GINS1: variants seen among roughly 807,000 people sequenced by gnomAD.
GINS1 encodes DNA replication complex GINS protein PSF1.
In GINS1, 26 loss-of-function variants were observed where a neutral mutation model predicts 34.9. The observed-to-expected ratio is 0.74, with a 90% confidence interval of 0.55 to 1.03. The LOEUF (loss-of-function observed/expected upper bound fraction) is 1.03, where lower values mean the gene tolerates loss of function less well. GINS1 is among the 50% of genes least tolerant of loss of function. The pLI, the probability that GINS1 is intolerant of heterozygous loss-of-function variation, is 0.00. For missense variants in GINS1, 235 were observed against 237.9 expected (o/e 0.99, Z 0.08); for synonymous variants, 97 against 84.4 (o/e 1.15, Z -0.82).
chr20:25,438,233 A>G (rs2090464351), intron 5 of GINS1, among the ~76,000 whole-genome samples: 1 of 151,914 alleles, frequency 6.6e-6, no homozygotes, highest in South Asian at 2.1e-4. Flanking sequence ...GCCATTTCCC[A>G]CTAAAGTAAA....
intron 6 of GINS1, among the ~76,000 whole-genome samples, chr20:25,444,021 G>T (rs1485785568): frequency 6.6e-5 from 2 of 30,258 alleles, no homozygotes; most frequent in East Asian, 3.6e-3. Context: ...TCTATCTATG[G>T]TTTTTTTCGA....
At chr20:25,412,439 C>T (rs973596834) in intron 1 of GINS1, among the ~76,000 whole-genome samples, 1 of 151,700 alleles carries the variant, frequency 6.6e-6, no homozygotes, top group African/African-American at 2.4e-5. Context: ...CCTGTAATCC[C>T]AGCTACTCGG....
At chr20:25,433,221 G>A (rs1403300312) in intron 5 of GINS1, among the ~76,000 whole-genome samples, 1 of 151,866 alleles carries the variant, frequency 6.6e-6, no homozygotes, top group East Asian at 1.9e-4. Flanking sequence ...TTTTCTATAT[G>A]CCTTATAACT....
chr20:25,410,330 G>A (rs2482907), intron 1 of GINS1, among the ~76,000 whole-genome samples: 4,075 of 150,906 alleles, frequency 0.027, 176 homozygotes, highest in African/African-American at 0.09. Flanking sequence ...GACAGAGAGA[G>A]ACTCCGCCTC....
chr20:25,433,871 A>G (rs993579121), intron 5 of GINS1, among the ~76,000 whole-genome samples: 1 of 152,214 alleles, frequency 6.6e-6, no homozygotes, highest in Non-Finnish European at 1.5e-5. Context: ...TTTTAAATGC[A>G]TTAGTTTCTT....
At position 25,423,964 on chromosome 20, in the gene GINS1, T is replaced by C. The variant is rs2090375642; in HGVS notation, c.331-1247T>C. Among the ~76,000 whole-genome samples the C allele has an allele frequency of 2.0e-5, 3 of 152,126 alleles. No homozygotes were observed. The South Asian group carries it at 6.2e-4, about 32-fold the overall frequency. On this transcript the variant is annotated intron_variant, in intron 4 of 6. Coordinates refer to ENST00000262460, the MANE Select transcript of GINS1 (RefSeq NM_021067.5). ...CTATATTTTACCTTTTACAAAGAGA[T>C]CTACAGTATTGGGATTAAGTTTTGT...
intron 4 of GINS1, among the ~76,000 whole-genome samples, chr20:25,422,100 A>G (rs970009450): frequency 1.3e-5 from 2 of 152,130 alleles, no homozygotes; most frequent in East Asian, 3.9e-4. Context: ...GGCACATGCA[A>G]ACACATCTGA....
At chr20:25,433,271 T>A (rs1215733445) in intron 5 of GINS1, among the ~76,000 whole-genome samples, 1 of 152,192 alleles carries the variant, frequency 6.6e-6, no homozygotes, top group African/African-American at 2.4e-5. Flanking sequence ...ATAACTTTTT[T>A]GTCTCTCATT....
intron 1 of GINS1, 137 bp from the exon 2 acceptor site, chr20:25,413,653 C>T: frequency 1.6e-6 from 1 of 626,026 alleles, no homozygotes; most frequent in Non-Finnish European, 2.9e-6. Flanking sequence ...TTGTTATAAC[C>T]ATGCTAGTGG....
At chr20:25,419,969 T>G (rs1461213805) in intron 4 of GINS1, among the ~76,000 whole-genome samples, 1 of 150,502 alleles carries the variant, frequency 6.6e-6, no homozygotes, top group Non-Finnish European at 1.5e-5. Context: ...GATTAATATG[T>G]TTCTTACAAT....
chr20:25,433,671 G>A (rs79128225), intron 5 of GINS1, among the ~76,000 whole-genome samples: 3,175 of 152,168 alleles, frequency 0.021, 103 homozygotes, highest in African/African-American at 0.072. Context: ...TTTCCTTGTG[G>A]TTAGTGATAG....
chr20:25,411,449 G>A lies in GINS1; in HGVS notation c.76-2341G>A, dbSNP rs544769183. On this transcript the variant is annotated intron_variant, in intron 1 of 6. Coordinates refer to ENST00000262460, the MANE Select transcript of GINS1 (RefSeq NM_021067.5). ...TATTTTGGCCCTAAAAATAGACAGTGAAAAAGAGATGGGATTGCTTCTCTT... is the reference window on the plus strand; with the variant it reads ...TATTTTGGCCCTAAAAATAGACAGTAAAAAAGAGATGGGATTGCTTCTCTT... 1.1e-4 allele frequency among the ~76,000 whole-genome samples: 16 copies of A among 152,258 alleles called. 1 individual carries two copies. In the East Asian group the frequency reaches 3.1e-3, roughly 29 times the overall value.
In GINS1 at chr20:25,444,916, G is replaced by C. The variant is rs111762818; in HGVS notation, c.523-1007G>C. Among the ~76,000 whole-genome samples, 1,097 of 152,302 alleles carry C rather than the reference G, an allele frequency of 7.2e-3. 7 individuals are homozygous for C. The highest frequency in any genetic ancestry group is 0.02 in the Middle Eastern group (6 of 294). ...GGAAAGTTGTCACTTGTTATTAGAA[G>C]AATGTTCAGACTCTGAAATCCAAGA... On this transcript the variant is annotated intron_variant, in intron 6 of 6. Transcript: ENST00000262460.
At chr20:25,430,513 T>C (rs2090421100) in intron 5 of GINS1, among the ~76,000 whole-genome samples, 1 of 152,188 alleles carries the variant, frequency 6.6e-6, no homozygotes, top group East Asian at 1.9e-4. Context: ...GATTTGATAC[T>C]ATTGTGGTGA....
chr20:25,441,527 A>G (rs2090481993), intron 5 of GINS1, among the ~76,000 whole-genome samples, 175 bp from the exon 6 acceptor site: 1 of 152,168 alleles, frequency 6.6e-6, no homozygotes, highest in Non-Finnish European at 1.5e-5. Context: ...CTCCCTGTCA[A>G]AACTGGACAC....
At chr20:25,415,685 CAAAAA>C (rs370801254) in intron 2 of GINS1, among the ~76,000 whole-genome samples, 3 of 49,150 alleles carry the variant, frequency 6.1e-5, no homozygotes, top group East Asian at 7.0e-4. Context: ...AACTCCATCT[CAAAAA>C]AAAAAAAAAA....
At chr20:25,445,613 C>T (rs776815009) in intron 6 of GINS1, among the ~76,000 whole-genome samples, 2 of 152,156 alleles carry the variant, frequency 1.3e-5, no homozygotes, top group African/African-American at 2.4e-5. Flanking sequence ...TCCCAAAGTG[C>T]TGGGATTATA....
Position 25,417,259 on chromosome 20 carries a change from G to T in GINS1, c.239+57G>T. On this transcript the variant is annotated intron_variant, in intron 3 of 6. Coordinates refer to ENST00000262460, the MANE Select transcript of GINS1 (RefSeq NM_021067.5). ...GGATTTTCTGTGTGGCTTCCCAGTT[G>T]ACCATCTCAAATGGGTAACATGAAA... 4 of 813,666 alleles carry T rather than the reference G, an allele frequency of 4.9e-6. No homozygotes were observed. In the South Asian group the frequency reaches 5.7e-5, roughly 12 times the overall value. 50.4% of individuals were successfully genotyped at this position (813,666 alleles called of 1,614,324 possible).
intron 4 of GINS1, among the ~76,000 whole-genome samples, chr20:25,424,441 CT>C (rs1371277947): frequency 6.6e-6 from 1 of 152,060 alleles, no homozygotes; most frequent in Non-Finnish European, 1.5e-5. Context: ...TTGTTTTCAA[CT>C]TTTTTTTTAA....
Sources: allele counts gnomAD v4.1 joint callset (sites outside exome capture counted in the v4.1 genomes callset), GRCh38; gene constraint gnomAD v4.1.1; transcripts MANE v1.5; gene names NCBI Gene and HGNC (gene_info 2026-07-23, HGNC 2026-07-21).